The following CARMIL1 variants were observed in gnomAD, a reference collection of about 807,000 sequenced individuals.
CARMIL1 encodes the protein capping protein regulator and myosin 1 linker 1.
In CARMIL1, 90 loss-of-function variants were observed where a neutral mutation model predicts 177.1. The observed-to-expected ratio is 0.51, with a 90% CI of 0.43 to 0.61. CARMIL1 has a LOEUF of 0.61. CARMIL1 is among the 20% of genes least tolerant of loss of function. CARMIL1 has a pLI of 0.00. For missense variants in CARMIL1, 1,380 were observed against 1,667.0 expected (o/e 0.83, Z 3.00); for synonymous variants, 577 against 606.2 (o/e 0.95, Z 0.71).
At chr6:25,595,603 C>T (rs1231329874) in intron 32 of CARMIL1, among the ~76,000 whole-genome samples, 1 of 152,128 alleles carries the variant, frequency 6.6e-6, no homozygotes, top group African/African-American at 2.4e-5. Context: ...CTGCTCCTCC[C>T]ACCCCCCCGA....
intron 4 of CARMIL1, among the ~76,000 whole-genome samples, chr6:25,428,624 A>G (rs1489258962): frequency 6.6e-6 from 1 of 152,224 alleles, no homozygotes; most frequent in Non-Finnish European, 1.5e-5. Flanking sequence ...AAGAGCTGAC[A>G]TCTTAGTAAT....
At chr6:25,570,433 G>A (rs569959839) in intron 29 of CARMIL1, among the ~76,000 whole-genome samples, 3 of 152,274 alleles carry the variant, frequency 2.0e-5, no homozygotes, top group East Asian at 3.9e-4. Context: ...TAAGAAAAAT[G>A]TATTAAATTT....
At chr6:25,328,374 C>T (rs371291485) in intron 2 of CARMIL1, among the ~76,000 whole-genome samples, 5 of 152,094 alleles carry the variant, frequency 3.3e-5, no homozygotes, top group East Asian at 1.9e-4. Context: ...GGGCTTGGTC[C>T]GTCAAGACTG....
At chr6:25,342,632 T>C (rs1787060366) in intron 2 of CARMIL1, among the ~76,000 whole-genome samples, 2 of 152,204 alleles carry the variant, frequency 1.3e-5, no homozygotes, top group South Asian at 2.1e-4. Context: ...TATGTACTTA[T>C]TATTACTAAG....
chr6:25,520,251 A>G lies in CARMIL1; in HGVS notation c.1882A>G (p.Thr628Ala). ...ATTTTCTCCTTTTTCTAGGAACTAC[A>G]CATTAAGATTTATGCCAATTCCTAT... ...DIAVAMEKNYTLRFMPIPMYD... is the reference protein window; with the variant it reads ...DIAVAMEKNYALRFMPIPMYD... The change falls in exon 23 of 37, where the codon ACA becomes GCA. Residue 628 changes from threonine (T) to alanine (A), a missense_variant. Coordinates refer to ENST00000329474, the MANE Select transcript of CARMIL1 (RefSeq NM_017640.6). 1 of 1,504,466 alleles carries G rather than the reference A, an allele frequency of 6.6e-7. No homozygotes were observed. The highest frequency in any genetic ancestry group is 9.0e-7 in the Non-Finnish European group (1 of 1,108,792). 93.2% of individuals were successfully genotyped at this position (1,504,466 alleles called of 1,614,324 possible).
chr6:25,348,384 G>T (rs1344867443), intron 2 of CARMIL1, among the ~76,000 whole-genome samples: 1 of 151,340 alleles, frequency 6.6e-6, no homozygotes, highest in Non-Finnish European at 1.5e-5. Flanking sequence ...CACCCTCCTC[G>T]GCCTCCCAAA....
In CARMIL1 at chr6:25,489,313, A is replaced by G. The variant is rs532299485; in HGVS notation, c.1065+728A>G. Among the ~76,000 whole-genome samples the G allele has an allele frequency of 1.4e-4, 21 of 152,276 alleles. No individual in the cohort carries two copies. The East Asian group carries it at 4.0e-3, about 29-fold the overall frequency. ...TGGTTATAGGTTACAATTGAAAGGG[A>G]GTATTGGGATAAACCTGAGCACTCG... On this transcript the variant is annotated intron_variant, in intron 13 of 36. Coordinates refer to ENST00000329474, the MANE Select transcript of CARMIL1 (RefSeq NM_017640.6).
chr6:25,339,173 A>C (rs552747936), intron 2 of CARMIL1, among the ~76,000 whole-genome samples: 4 of 152,230 alleles, frequency 2.6e-5, no homozygotes, highest in Non-Finnish European at 4.4e-5. Context: ...CCTCTCTCAT[A>C]CACACCCACT....
Position 25,577,027 on chromosome 6 carries a change from C to T in CARMIL1, c.2743-3897C>T, listed in dbSNP as rs182042778. ...TTTTTGGTGGCTCTGCGGTTTCTGG[C>T]TGTACTACTTTATATTCTTGTGCTC... On this transcript the variant is annotated intron_variant, in intron 29 of 36. Coordinates refer to ENST00000329474, the MANE Select transcript of CARMIL1 (RefSeq NM_017640.6). This position sits in a 1 kb window ranked among gnomAD's most constrained non-coding sequence, Gnocchi z 4.5. The T allele has an allele frequency of 1.0e-6, 1 of 985,254 alleles. No individual in the cohort carries two copies. The highest frequency in any genetic ancestry group is 6.1e-5 in the Admixed American group (1 of 16,276). 61.0% of individuals were successfully genotyped at this position (985,254 alleles called of 1,614,324 possible).
At chr6:25,317,726 A>T (rs555608452) in intron 2 of CARMIL1, among the ~76,000 whole-genome samples, 1 of 146,850 alleles carries the variant, frequency 6.8e-6, no homozygotes, top group Non-Finnish European at 1.5e-5. Context: ...TGGGCTAATT[A>T]AAAAAAAAAA....
rs541544019 is a variant in CARMIL1, at chr6:25,584,434, A to G, written c.3006+2995A>G. On this transcript the variant is annotated intron_variant, in intron 31 of 36. Transcript: ENST00000329474. ...CATACTAGATATTGCAAGGCAGAAC[A>G]GAGAATTTCTCATGTATCACTAGGT... Among the ~76,000 whole-genome samples the G allele has an allele frequency of 1.2e-4, 18 of 149,264 alleles. No homozygotes were observed. The South Asian group carries it at 3.3e-3, about 28-fold the overall frequency.
intron 2 of CARMIL1, among the ~76,000 whole-genome samples, chr6:25,312,700 A>T (rs9461132): frequency 0.21 from 31,424 of 150,362 alleles, 4,169 homozygotes; most frequent in East Asian, 0.4. Context: ...AGTATTACTA[A>T]TGGGGTAGCT....
At chr6:25,525,568 AT>A (rs1807014391) in intron 23 of CARMIL1, among the ~76,000 whole-genome samples, 2 of 152,220 alleles carry the variant, frequency 1.3e-5, no homozygotes, top group Admixed American at 1.3e-4. Flanking sequence ...AGGGAATAAA[AT>A]AAGGTAGCAT....
chr6:25,362,090 A>T (rs1789268599), intron 2 of CARMIL1, among the ~76,000 whole-genome samples: 1 of 152,248 alleles, frequency 6.6e-6, no homozygotes, highest in Non-Finnish European at 1.5e-5. Context: ...GCGGGTTCCC[A>T]GAACCTTTAT....
At chr6:25,483,681 C>CAAAAAAAAAA (rs11452946) in intron 12 of CARMIL1, among the ~76,000 whole-genome samples, 1 of 90,480 alleles carries the variant, frequency 1.1e-5, no homozygotes. Flanking sequence ...ATCTCTGTCT[C>CAAAAAAAAAA]AAAAAAAAAA....
chr6:25,579,462 T>C (rs1380201723), intron 29 of CARMIL1, among the ~76,000 whole-genome samples: 1 of 152,212 alleles, frequency 6.6e-6, no homozygotes, highest in African/African-American at 2.4e-5. Flanking sequence ...AGCTTGTATC[T>C]CCTGAGAATT....
chr6:25,606,860 T>C (rs1456156165), intron 35 of CARMIL1, among the ~76,000 whole-genome samples: 3 of 152,224 alleles, frequency 2.0e-5, no homozygotes, highest in Non-Finnish European at 4.4e-5. Flanking sequence ...CAGGGCCATA[T>C]GGTCTGCAAA....
intron 2 of CARMIL1, among the ~76,000 whole-genome samples, chr6:25,359,149 C>T (rs967468363): frequency 3.3e-5 from 5 of 152,184 alleles, no homozygotes; most frequent in Non-Finnish European, 5.9e-5. Context: ...TTGGCTTTCT[C>T]TGTTGGGCAG....
At chr6:25,491,162 C>A (rs935566789) in intron 13 of CARMIL1, among the ~76,000 whole-genome samples, 2 of 152,124 alleles carry the variant, frequency 1.3e-5, no homozygotes, top group Non-Finnish European at 2.9e-5. Context: ...AGCATTGTGA[C>A]CCCCTGAAAC....
Sources: allele counts gnomAD v4.1 joint callset (sites outside exome capture counted in the v4.1 genomes callset), GRCh38; gene constraint gnomAD v4.1.1; non-coding constraint Gnocchi (gnomAD v3.1); transcripts MANE v1.5; gene names NCBI Gene and HGNC (gene_info 2026-07-23, HGNC 2026-07-21).